Variants in MTFR1 observed in about 807,000 individuals in gnomAD.
MTFR1 encodes mitochondrial fission regulator 1.
Under a neutral mutation model 38.8 loss-of-function variants are expected in MTFR1, and 28 were observed. That is an observed-to-expected ratio of 0.72 (90% confidence interval 0.53 to 0.99). The LOEUF is 0.99. MTFR1 is among the 50% of genes least tolerant of loss of function. MTFR1 has a pLI of 0.00. For missense variants in MTFR1, 358 were observed against 395.5 expected (o/e 0.91, Z 0.81); for synonymous variants, 145 against 137.0 (o/e 1.06, Z -0.41).
Position 65,704,843 on chromosome 8 carries a change from T to C in MTFR1, c.431T>C (p.Ile144Thr). The C allele has an allele frequency of 1.9e-6, 3 of 1,614,040 alleles. No individual in the cohort carries two copies. Among genetic ancestry groups the C allele is most frequent in the Non-Finnish European group, 1.7e-6 (2 of 1,179,996 alleles). The part of the protein sequence containing the change: ...ALANEEALQK[I>T]CALENELAAL... ...GCAAATGAGGAAGCACTGCAGAAGA[T>C]TTGCGCTCTCGAAAATGAACTTGCT... The change falls in exon 5 of 8, where the codon ATT (isoleucine) becomes ACT (threonine). Residue 144 changes from isoleucine to threonine, a missense_variant. Coordinates refer to ENST00000262146, the MANE Select transcript of MTFR1 (RefSeq NM_014637.4).
At chr8:65,769,120 C>T (rs1292274835) in intron 3 of MTFR1, among the ~76,000 whole-genome samples, 6 of 151,656 alleles carry the variant, frequency 4.0e-5, no homozygotes, top group Non-Finnish European at 7.4e-5. Flanking sequence ...TGATGGCAGG[C>T]GCCTGTAATC....
chr8:65,736,279 G>A (rs1426172544), intron 3 of MTFR1, among the ~76,000 whole-genome samples: 6 of 152,088 alleles, frequency 3.9e-5, no homozygotes, highest in Admixed American at 1.3e-4. Context: ...ATTTCATCAC[G>A]CTGCTCACAA....
In MTFR1 at chr8:65,707,924, T is replaced by C. The variant is rs1187746290; in HGVS notation, c.846T>C (p.Phe282=). Residue 282 remains phenylalanine (F), a synonymous_variant, in exon 7 of 8, where the codon TTT becomes TTC. Coordinates refer to ENST00000262146, the MANE Select transcript of MTFR1 (RefSeq NM_014637.4). ...ALIAEALKKK[F]AYRYRSDSQD... ...TAGCAGAGGCTCTGAAAAAGAAATTTGCTTATCGGTATCGAAGTGATAGCC... is the reference window on the plus strand; with the variant it reads ...TAGCAGAGGCTCTGAAAAAGAAATTCGCTTATCGGTATCGAAGTGATAGCC... 1 of 1,614,132 alleles carries C rather than the reference T, an allele frequency of 6.2e-7. No homozygotes were observed. The highest frequency in any genetic ancestry group is 1.3e-5 in the African/African-American group (1 of 75,034).
At chr8:65,771,575 C>T (rs1001277856), downstream of MTFR1, among the ~76,000 whole-genome samples, 1 of 152,034 alleles carries the variant, frequency 6.6e-6, no homozygotes, top group Non-Finnish European at 1.5e-5. Context: ...AACAGATAAT[C>T]CTGGCTGGGC....
chr8:65,768,506 G>A (rs1008335267), intron 3 of MTFR1, among the ~76,000 whole-genome samples: 27 of 152,168 alleles, frequency 1.8e-4, no homozygotes, highest in South Asian at 1.2e-3. Flanking sequence ...TTTCACCTTC[G>A]GCCGTAATTG....
intron 3 of MTFR1, among the ~76,000 whole-genome samples, chr8:65,764,145 A>AATAGAAAAGAGATAGGAGCATGGGTG (rs1808650216): frequency 6.6e-6 from 1 of 152,234 alleles, no homozygotes; most frequent in Non-Finnish European, 1.5e-5. Context: ...AAGGAATTAC[A>AATAGAAAAGAGATAGGAGCATGGGTG]ATAGAAAAGA....
chr8:65,660,291 C>CAA (rs1358969347), intron 1 of MTFR1, among the ~76,000 whole-genome samples: 63 of 67,420 alleles, frequency 9.3e-4, no homozygotes, highest in African/African-American at 2.2e-3. Flanking sequence ...AACTCTGTCT[C>CAA]AAAAAAAAAA....
chr8:65,708,286 G>GT, intron 7 of MTFR1: 1 of 528,418 alleles, frequency 1.9e-6, no homozygotes, highest in East Asian at 3.9e-5. Flanking sequence ...GAAAGCCAAA[G>GT]TTAACCCCTG....
chr8:65,688,465 T>TC (rs1448732477), intron 3 of MTFR1, among the ~76,000 whole-genome samples: 1 of 146,480 alleles, frequency 6.8e-6, no homozygotes, highest in East Asian at 2.0e-4. Context: ...TTTTTTTTTT[T>TC]TGAGACGGAG....
intron 3 of MTFR1, among the ~76,000 whole-genome samples, chr8:65,754,659 T>C (rs1471331215): frequency 2.0e-5 from 3 of 150,798 alleles, no homozygotes; most frequent in African/African-American, 7.3e-5. Flanking sequence ...ATATGCCTTG[T>C]TTTTTGTTCT....
chr8:65,647,817 A>G (rs201097476), intron 1 of MTFR1, among the ~76,000 whole-genome samples: 1 of 147,834 alleles, frequency 6.8e-6, no homozygotes, highest in African/African-American at 2.5e-5. Flanking sequence ...AAAAAAAAAA[A>G]TGACACTATA....
At chr8:65,732,941 C>T (rs1806960895) in intron 3 of MTFR1, among the ~76,000 whole-genome samples, 1 of 151,946 alleles carries the variant, frequency 6.6e-6, no homozygotes, top group South Asian at 2.1e-4. Flanking sequence ...AACTCCTGGG[C>T]TCAAGCAAGC....
chr8:65,693,179 G>A (rs1055970975), intron 3 of MTFR1, among the ~76,000 whole-genome samples: 6 of 152,094 alleles, frequency 3.9e-5, no homozygotes, highest in South Asian at 4.2e-4. Context: ...GAGGCAGGCC[G>A]ATCACAAGGT....
chr8:65,727,335 T>C (rs564203506), intron 3 of MTFR1: 10 of 1,611,656 alleles, frequency 6.2e-6, no homozygotes, highest in East Asian at 4.5e-5. Context: ...GAATCACAGA[T>C]ATATCTAAAA....
intron 1 of MTFR1, among the ~76,000 whole-genome samples, chr8:65,655,693 T>C (rs1195074681): frequency 6.6e-6 from 1 of 151,780 alleles, no homozygotes; most frequent in African/African-American, 2.4e-5. Flanking sequence ...CTAAAGGCTG[T>C]AATCCCAGCA....
intron 3 of MTFR1, among the ~76,000 whole-genome samples, chr8:65,769,771 C>G (rs1351608444): frequency 6.6e-6 from 1 of 152,116 alleles, no homozygotes; most frequent in East Asian, 1.9e-4. Flanking sequence ...TAGTGATTGC[C>G]CGTAATCCTT....
chr8:65,707,735 T>C (rs1413044792), intron 6 of MTFR1, 108 bp from the exon 7 acceptor site: 1 of 1,345,436 alleles, frequency 7.4e-7, no homozygotes, highest in Non-Finnish European at 1.0e-6. Flanking sequence ...CTCTATGGAG[T>C]AGCTATGATG....
At chr8:65,760,882 G>A (rs1469734372) in intron 3 of MTFR1, among the ~76,000 whole-genome samples, 1 of 151,916 alleles carries the variant, frequency 6.6e-6, no homozygotes, top group Non-Finnish European at 1.5e-5. Context: ...ACTACAGAGA[G>A]GAAAGGATAT....
chr8:65,730,171 CTTTTTT>C lies in MTFR1; in HGVS notation c.*48+10711_*48+10716del, dbSNP rs1179431555. Among the ~76,000 whole-genome samples the C allele has an allele frequency of 1.5e-3, 129 of 86,434 alleles. 1 individual carries two copies. Among genetic ancestry groups the C allele is most frequent in the Middle Eastern group, 0.016 (2 of 124 alleles). 56.7% of individuals were successfully genotyped at this position (86,434 alleles called of 152,430 possible). ...TGTGAGGGATCCAGGTTGCGCACTT[CTTTTTT>C]TTTTTTTTTTTTTTTTTTTTGAGAT... On this transcript the variant is annotated intron_variant, in intron 3 of 3. Coordinates refer to the MTFR1 transcript ENST00000521247.
Sources: allele counts gnomAD v4.1 joint callset (sites outside exome capture counted in the v4.1 genomes callset), GRCh38; gene constraint gnomAD v4.1.1; transcripts MANE v1.5; gene names NCBI Gene and HGNC (gene_info 2026-07-23, HGNC 2026-07-21).